The following SCEL variants were observed in gnomAD, a reference collection of about 807,000 sequenced individuals.
The protein encoded by SCEL is sciellin.
Under a neutral mutation model 117.6 loss-of-function variants are expected in SCEL, and 113 were observed. The observed-to-expected ratio is 0.96, with a 90% CI of 0.83 to 1.12. The LOEUF is 1.12. Among genes scored for constraint, SCEL ranks in the 50% most tolerant of loss-of-function variants. The pLI, the probability that SCEL is intolerant of heterozygous loss-of-function variation, is 0.00. For missense variants in SCEL, 785 were observed against 810.8 expected, an observed-to-expected ratio of 0.97 and a Z score of 0.39; for synonymous variants, 270 against 256.2, an observed-to-expected ratio of 1.05 and a Z score of -0.51.
intron 19 of SCEL, chr13:77,606,426 T>C (rs1191306767): frequency 6.6e-6 from 1 of 152,226 alleles, no homozygotes; most frequent in Non-Finnish European, 1.5e-5. Context: ...CCTAAAAATA[T>C]AGTTAAAGCA....
At position 77,610,034 on chromosome 13, in the gene SCEL, CTA is replaced by C; in HGVS notation, c.1278-11_1278-10del. 4 of 1,596,024 alleles carry C rather than the reference CTA, an allele frequency of 2.5e-6. No individual in the cohort carries two copies. The highest frequency in any genetic ancestry group is 3.4e-6 in the Non-Finnish European group (4 of 1,167,494). On this transcript the variant is annotated splice_polypyrimidine_tract_variant and intron_variant, in intron 21 of 32. Coordinates refer to ENST00000349847, the MANE Select transcript of SCEL (RefSeq NM_144777.3). Reference sequence around the variant, plus strand: ...TTAAATCTACCACTGATCTGATTTTCTATGTTTTTAAGGGGCCAAAGTCTCGA... The same window carrying C: ...TTAAATCTACCACTGATCTGATTTTCTGTTTTTAAGGGGCCAAAGTCTCGA...
rs139138267 is a variant in SCEL at position 77,543,841 on chromosome 13, C to T, written c.-20+8017C>T. 7.2e-5 allele frequency among the ~76,000 whole-genome samples: 11 copies of T among 151,982 alleles called. 1 individual carries two copies. The East Asian group carries it at 1.5e-3, about 21-fold the overall frequency. ...TTCCTGTTGACTCCTTTTTGTTTCC[C>T]GGGCTTCTGAGATAGGTACTGTGCG... On this transcript the variant is annotated intron_variant, in intron 1 of 32. Transcript: ENST00000349847.
chr13:77,608,047 G>A lies in SCEL; in HGVS notation c.1158-9G>A. The A allele has an allele frequency of 6.2e-7, 1 of 1,607,044 alleles. No homozygotes were observed. The highest frequency in any genetic ancestry group is 8.5e-7 in the Non-Finnish European group (1 of 1,176,700). The stretch of plus-strand genomic sequence containing the variant: ...TGTCAATCTTAACCATTTCTTCAAT[G>A]TTTTAAAGGGGCCAGAGCCTTGATA... On this transcript the variant is annotated splice_polypyrimidine_tract_variant and intron_variant, in intron 19 of 32. Coordinates refer to ENST00000349847, the MANE Select transcript of SCEL (RefSeq NM_144777.3).
At chr13:77,562,936 A>C (rs1378659815) in intron 4 of SCEL, among the ~76,000 whole-genome samples, 2 of 152,238 alleles carry the variant, frequency 1.3e-5, no homozygotes, top group Non-Finnish European at 2.9e-5. Context: ...TGATACTTAG[A>C]AATACAAACA....
chr13:77,579,701 T>C (rs2086160341), intron 9 of SCEL, among the ~76,000 whole-genome samples: 1 of 152,014 alleles, frequency 6.6e-6, no homozygotes, highest in African/African-American at 2.4e-5. Flanking sequence ...AGACACAAAA[T>C]ATGTGGAGTG....
chr13:77,597,529 T>A lies in SCEL; in HGVS notation c.753-16T>A. The A allele has an allele frequency of 6.8e-7, 1 of 1,466,516 alleles. No individual in the cohort carries two copies. The highest frequency in any genetic ancestry group is 9.3e-7 in the Non-Finnish European group (1 of 1,075,170). The allele number at this position is 1,466,516 out of a possible 1,614,324, so 90.8% of individuals were successfully genotyped here. On this transcript the variant is annotated splice_polypyrimidine_tract_variant and intron_variant, in intron 12 of 32. Transcript: ENST00000349847. ...AGCTTTTTACTAATGTTAAACATTT[T>A]TTTCTCTTCCCAAAGTGAAGAATTG...
chr13:77,612,888 T>A lies in SCEL; in HGVS notation c.1338-3T>A. ...TAGCTATTGAAACTTAACATTTTTT[T>A]AGGAACCAAGACTTGGAAAATCTTA... On this transcript the variant is annotated splice_polypyrimidine_tract_variant and splice_region_variant and intron_variant, in intron 22 of 32. Coordinates refer to ENST00000349847, the MANE Select transcript of SCEL (RefSeq NM_144777.3). 2 of 1,536,280 alleles carry A rather than the reference T, an allele frequency of 1.3e-6. No individual in the cohort carries two copies. Among genetic ancestry groups the A allele is most frequent in the Non-Finnish European group, 8.8e-7 (1 of 1,135,256 alleles).
intron 7 of SCEL, among the ~76,000 whole-genome samples, chr13:77,568,547 T>C (rs963992741): frequency 5.9e-5 from 9 of 152,150 alleles, no homozygotes; most frequent in Admixed American, 4.6e-4. Flanking sequence ...CATTACTCTA[T>C]CCAAACACCA....
chr13:77,558,303 C>T (rs1190875334), intron 3 of SCEL, among the ~76,000 whole-genome samples: 2 of 152,078 alleles, frequency 1.3e-5, no homozygotes, highest in Non-Finnish European at 2.9e-5. Context: ...TCCCTGATTC[C>T]CCCAGCCCAG....
At chr13:77,603,657 C>A (rs889277113) in intron 18 of SCEL, among the ~76,000 whole-genome samples, 12 of 152,102 alleles carry the variant, frequency 7.9e-5, no homozygotes, top group African/African-American at 2.9e-4. Flanking sequence ...CCCTCCTGTC[C>A]CTTTTAGATT....
intron 30 of SCEL, among the ~76,000 whole-genome samples, chr13:77,639,370 G>C (rs967688904): frequency 6.6e-6 from 1 of 152,124 alleles, no homozygotes; most frequent in Non-Finnish European, 1.5e-5. Context: ...GACTTAGAAA[G>C]ACATTACTAG....
intron 9 of SCEL, among the ~76,000 whole-genome samples, chr13:77,580,568 T>C (rs539269765): frequency 2.0e-5 from 3 of 152,312 alleles, no homozygotes; most frequent in Non-Finnish European, 4.4e-5. Flanking sequence ...TCTAACTGTG[T>C]ATTTAGGTGA....
chr13:77,637,237 C>A, intron 30 of SCEL, 43 bp downstream of exon 30: 1 of 771,664 alleles, frequency 1.3e-6, no homozygotes, highest in Non-Finnish European at 2.0e-6. Flanking sequence ...TACACACATA[C>A]AGACACACAC....
chr13:77,593,369 C>A, intron 11 of SCEL, 145 bp from the exon 12 acceptor site: 4 of 481,222 alleles, frequency 8.3e-6, no homozygotes, highest in Non-Finnish European at 1.1e-5. Context: ...CATAATAGAA[C>A]CATTTTGTCA....
At chr13:77,637,732 T>C (rs1011640204) in intron 30 of SCEL, among the ~76,000 whole-genome samples, 6 of 152,142 alleles carry the variant, frequency 3.9e-5, no homozygotes, top group Non-Finnish European at 7.3e-5. Context: ...TCCCCCCTTC[T>C]TGTGCTTTTC....
chr13:77,621,178 C>G (rs1378619518), intron 27 of SCEL, among the ~76,000 whole-genome samples: 3 of 152,112 alleles, frequency 2.0e-5, no homozygotes, highest in African/African-American at 7.2e-5. Context: ...GAGTGATTTT[C>G]CCAAGACACA....
In SCEL at chr13:77,599,407, A is replaced by T. The variant is rs763802735; in HGVS notation, c.857+19A>T. 4 of 1,600,958 alleles carry T rather than the reference A, an allele frequency of 2.5e-6. No individual in the cohort carries two copies. The highest frequency in any genetic ancestry group is 3.4e-6 in the Non-Finnish European group (4 of 1,169,582). On this transcript the variant is annotated intron_variant, in intron 14 of 32. Transcript: ENST00000349847. ...AGAAAAGGTAAGTGCATCTGTCTCAAATATGAAAATCTTACCTTGCAGATT... is the reference window on the plus strand; with the variant it reads ...AGAAAAGGTAAGTGCATCTGTCTCATATATGAAAATCTTACCTTGCAGATT...
At position 77,618,073 on chromosome 13, in the gene SCEL, G is replaced by A. The variant is rs2089189603; in HGVS notation, c.1628+13G>A. 6.3e-7 allele frequency: 1 copy of A among 1,592,438 alleles called. No individual in the cohort carries two copies. Among genetic ancestry groups the A allele is most frequent in the Non-Finnish European group, 8.6e-7 (1 of 1,160,248 alleles). On this transcript the variant is annotated intron_variant, in intron 27 of 32. Coordinates refer to ENST00000349847, the MANE Select transcript of SCEL (RefSeq NM_144777.3). ...GAAACACTAATCGGTAAATGACCTT[G>A]ACTATCTTGACATGTTTACAAGTTT... is the stretch of plus-strand genomic sequence containing the variant.
chr13:77,570,106 C>G (rs1300723271), intron 8 of SCEL, among the ~76,000 whole-genome samples: 1 of 152,198 alleles, frequency 6.6e-6, no homozygotes, highest in East Asian at 1.9e-4. Flanking sequence ...TTACAAACAT[C>G]AGTGCTTTTA....
Sources: gnomAD v4.1 joint callset for allele counts (sites outside exome capture counted in the v4.1 genomes callset) on GRCh38, gnomAD v4.1.1 for gene constraint, MANE v1.5 for transcripts, NCBI Gene and HGNC (gene_info 2026-07-23, HGNC 2026-07-21) for gene names.